The following ADGRF4 variants were observed in gnomAD, a reference collection of about 807,000 sequenced individuals.
The protein encoded by ADGRF4 is adhesion G protein-coupled receptor F4, also known as G-protein coupled receptor PGR18.
Under a neutral mutation model 58.5 loss-of-function variants are expected in ADGRF4, and 63 were observed. The ratio of observed to expected loss-of-function variants is 1.08; its 90% CI spans 0.88 to 1.33. ADGRF4 has a LOEUF of 1.33. ADGRF4 is among the 40% of genes most tolerant of loss of function. The pLI, the probability that ADGRF4 is intolerant of heterozygous loss-of-function variation, is 0.00. For synonymous variants in ADGRF4, 313 were observed against 295.4 expected, an observed-to-expected ratio of 1.06 and a Z score of -0.61; for missense variants, 931 against 843.9, an observed-to-expected ratio of 1.10 and a Z score of -1.28.
chr6:47,717,219 A>G, intron 7 of ADGRF4, 73 bp from the exon 8 acceptor site: 1 of 1,066,416 alleles, frequency 9.4e-7, no homozygotes, highest in Non-Finnish European at 1.5e-6. Context: ...CTGGTCTTAA[A>G]GTTTCAGGAC....
rs1032725775 is a variant in ADGRF4 at position 47,714,288 on chromosome 6, A to T, written c.1043A>T (p.Gln348Leu). 2 of 1,614,204 alleles carry T rather than the reference A, an allele frequency of 1.2e-6. No individual in the cohort carries two copies. Among genetic ancestry groups the T allele is most frequent in the Non-Finnish European group, 8.5e-7 (1 of 1,180,026 alleles). Residue 348 changes from glutamine to leucine, a missense_variant, in exon 6 of 10, where the codon CAG becomes CTG. Coordinates refer to ENST00000283303, the MANE Select transcript of ADGRF4 (RefSeq NM_153838.5). ...AATAAAACCCGCAATGCCAGAGCCCAGTGTGTTGGCTGGCACTCCAAGAAA... is the reference window on the plus strand; with the variant it reads ...AATAAAACCCGCAATGCCAGAGCCCTGTGTGTTGGCTGGCACTCCAAGAAA... ...KINKTRNARA[Q>L]CVGWHSKKRR...
rs374993641 is a variant in ADGRF4 at position 47,716,861 on chromosome 6, G to C, written c.1974+14G>C. On this transcript the variant is annotated intron_variant, in intron 7 of 9. Transcript: ENST00000283303. ...ATGGATCACAAGGTAATTTGAATTT[G>C]CTTCCTCCTTATAAATGGTTTTCAT... 13 of 1,566,232 alleles carry C rather than the reference G, an allele frequency of 8.3e-6. No homozygotes were observed. The African/African-American group carries it at 1.8e-4, about 21-fold the overall frequency.
chr6:47,699,124 T>C lies in ADGRF4; in HGVS notation c.-17+330T>C, dbSNP rs116834800. Among the ~76,000 whole-genome samples the C allele has an allele frequency of 4.3e-3, 660 of 152,358 alleles. 3 individuals are homozygous for C. The highest frequency in any genetic ancestry group is 0.014 in the African/African-American group (575 of 41,584). On this transcript the variant is annotated intron_variant, in intron 1 of 9. Transcript: ENST00000283303. Reference sequence around the variant, plus strand: ...TTGATAAATTTCAATACCTGTCTTTTAGACTGAATGTAAAGCTGGATGTTG... The same window carrying C: ...TTGATAAATTTCAATACCTGTCTTTCAGACTGAATGTAAAGCTGGATGTTG...
chr6:47,705,253 C>T (rs1007065913), intron 1 of ADGRF4, among the ~76,000 whole-genome samples: 1 of 152,162 alleles, frequency 6.6e-6, no homozygotes, highest in Non-Finnish European at 1.5e-5. Flanking sequence ...AAGCCAAAGT[C>T]GTATATGTGA....
chr6:47,709,909 A>C (rs948938344), intron 3 of ADGRF4, among the ~76,000 whole-genome samples: 3 of 151,896 alleles, frequency 2.0e-5, no homozygotes, highest in Non-Finnish European at 4.4e-5. Flanking sequence ...ATAGCCACCA[A>C]ACATAGTGCT....
intron 3 of ADGRF4, 107 bp from the exon 4 acceptor site, chr6:47,710,628 C>T: frequency 8.5e-7 from 1 of 1,169,610 alleles, no homozygotes; most frequent in Non-Finnish European, 1.2e-6. Flanking sequence ...ATTGCCTCCT[C>T]CAGGAAGCAA....
Position 47,717,314 on chromosome 6 carries a change from G to C in ADGRF4, c.1997G>C (p.Arg666Thr). The C allele has an allele frequency of 3.1e-6, 5 of 1,611,934 alleles. No individual in the cohort carries two copies. The highest frequency in any genetic ancestry group is 4.2e-6 in the Non-Finnish European group (5 of 1,178,000). The change falls in exon 8 of 10, where the codon AGG becomes ACG. Residue 666 changes from arginine (R) to threonine (T), a missense_variant. Physicochemically the swap from Arg to Thr is moderately conservative, Grantham distance 71. Coordinates refer to ENST00000283303, the MANE Select transcript of ADGRF4 (RefSeq NM_153838.5). ...TAGATAAGAGATGCTTTGAGGATGAGGATGTCTTCACTGAAGGGGAAATCG... is the reference window on the plus strand; with the variant it reads ...TAGATAAGAGATGCTTTGAGGATGACGATGTCTTCACTGAAGGGGAAATCG... ...DHKIRDALRM[R>T]MSSLKGKSRA...
At chr6:47,705,119 G>A (rs919023411) in intron 1 of ADGRF4, among the ~76,000 whole-genome samples, 2 of 152,036 alleles carry the variant, frequency 1.3e-5, no homozygotes, top group African/African-American at 2.4e-5. Context: ...CAGTAGAGAT[G>A]GAGTTTCACC....
rs1030256538 is a variant in ADGRF4 at position 47,707,212 on chromosome 6, C to T, written c.-16-18C>T. The T allele has an allele frequency of 1.4e-6, 2 of 1,413,576 alleles. No individual in the cohort carries two copies. The highest frequency in any genetic ancestry group is 2.0e-6 in the Non-Finnish European group (2 of 997,342). 87.6% of individuals were successfully genotyped at this position (1,413,576 alleles called of 1,614,324 possible). ...AGTTGTCACCTTCAGGTGGGTATGC[C>T]TTCTTTCTCTATTGCAGGTGAAGAT... is the stretch of plus-strand genomic sequence containing the variant. On this transcript the variant is annotated intron_variant, in intron 1 of 9. Coordinates refer to ENST00000283303, the MANE Select transcript of ADGRF4 (RefSeq NM_153838.5).
intron 9 of ADGRF4, among the ~76,000 whole-genome samples, chr6:47,720,392 G>C (rs1110355): frequency 0.23 from 34,624 of 152,068 alleles, 4,178 homozygotes; most frequent in African/African-American, 0.28. Flanking sequence ...AGAATTCTGG[G>C]AAATGGGTCG....
intron 4 of ADGRF4, among the ~76,000 whole-genome samples, chr6:47,711,225 T>C (rs1222387956): frequency 6.6e-6 from 1 of 152,196 alleles, no homozygotes; most frequent in Non-Finnish European, 1.5e-5. Context: ...GATAATCAGT[T>C]AATCAACTAA....
At chr6:47,706,938 T>C (rs1184169474) in intron 1 of ADGRF4, among the ~76,000 whole-genome samples, 6 of 152,260 alleles carry the variant, frequency 3.9e-5, no homozygotes, top group Non-Finnish European at 5.9e-5. Flanking sequence ...TAAATAAACT[T>C]GTTAATTAAA....
At chr6:47,709,640 A>T (rs1044081979) in intron 3 of ADGRF4, among the ~76,000 whole-genome samples, 4 of 152,198 alleles carry the variant, frequency 2.6e-5, no homozygotes, top group African/African-American at 9.7e-5. Flanking sequence ...ATATTTGCAT[A>T]TTTGCCTAAT....
At position 47,715,131 on chromosome 6, in the gene ADGRF4, C is replaced by T. The variant is rs1372913906; in HGVS notation, c.1886C>T (p.Thr629Ile). 2 of 1,598,034 alleles carry T rather than the reference C, an allele frequency of 1.3e-6. No individual in the cohort carries two copies. Among genetic ancestry groups the T allele is most frequent in the African/African-American group, 1.3e-5 (1 of 74,644 alleles). The change falls in exon 6 of 10, where the codon ACT (threonine) becomes ATT (isoleucine). Residue 629 changes from threonine (T) to isoleucine (I), a missense_variant. Coordinates refer to ENST00000283303, the MANE Select transcript of ADGRF4 (RefSeq NM_153838.5). Reference sequence around the variant, plus strand: ...GGAATAGCCACTCTCATAGAAGGCACTTCCTTGACGTTCCATATAATTTTT... The same window carrying T: ...GGAATAGCCACTCTCATAGAAGGCATTTCCTTGACGTTCCATATAATTTTT... ...GFGIATLIEGTSLTFHIIFAL... is the reference protein window; with the variant it reads ...GFGIATLIEGISLTFHIIFAL...
rs1298082121 is a variant in ADGRF4 at position 47,714,623 on chromosome 6, G to C, written c.1378G>C (p.Gly460Arg). Reference protein sequence around the residue: ...LLTANVWFIIGSHFNIKAQDY... With the variant: ...LLTANVWFIIRSHFNIKAQDY... ...GACTGCCAATGTGTGGTTTATCATA[G>C]GCTCTCACTTTAACATTAAGGCCCA... is the stretch of plus-strand genomic sequence containing the variant. Residue 460 changes from glycine (G) to arginine (R), a missense_variant, in exon 6 of 10, where the codon GGC (glycine) becomes CGC (arginine). By Grantham distance (125) the Gly-to-Arg change is moderately radical. Transcript: ENST00000283303. 1 of 1,614,162 alleles carries C rather than the reference G, an allele frequency of 6.2e-7. No individual in the cohort carries two copies. The highest frequency in any genetic ancestry group is 8.5e-7 in the Non-Finnish European group (1 of 1,180,030).
chr6:47,712,402 C>T lies in ADGRF4; in HGVS notation c.346C>T (p.Pro116Ser). The change falls in exon 5 of 10, where the codon CCT becomes TCT. Residue 116 changes from proline (P) to serine (S), a missense_variant. Coordinates refer to ENST00000283303, the MANE Select transcript of ADGRF4 (RefSeq NM_153838.5). ...SRLSVAAPSI[P>S]LHILDFRAPE... ...CCTTTCTGTAGCAGCACCATCTATA[C>T]CTCTGCATATTCTAGACTTTCGAGC... is the stretch of plus-strand genomic sequence containing the variant. 1.9e-6 allele frequency: 3 copies of T among 1,613,808 alleles called. No homozygotes were observed. The highest frequency in any genetic ancestry group is 1.7e-6 in the Non-Finnish European group (2 of 1,179,680).
chr6:47,710,811 A>G lies in ADGRF4; in HGVS notation c.225A>G (p.Gly75=), dbSNP rs1280595514. The G allele has an allele frequency of 6.2e-7, 1 of 1,613,878 alleles. No homozygotes were observed. Among genetic ancestry groups the G allele is most frequent in the South Asian group, 1.1e-5 (1 of 91,066 alleles). Residue 75 remains glycine (G), a synonymous_variant, in exon 4 of 10, where the codon GGA becomes GGG. Transcript: ENST00000283303. The part of the protein sequence containing the change: ...PCAKDFHGEI[G]FTCNQKKWQK... ...CTAAGGACTTTCATGGAGAAATAGG[A>G]TTTACATGTAATCAAAAAAAGTGGC...
In ADGRF4 at chr6:47,707,262, A is replaced by T; in HGVS notation, c.17A>T (p.Gln6Leu). 4.3e-6 allele frequency: 7 copies of T among 1,611,756 alleles called. No individual in the cohort carries two copies. Among genetic ancestry groups the T allele is most frequent in the Non-Finnish European group, 5.9e-6 (7 of 1,177,874 alleles). ...TCCTCATGTATGAAAATGAAGTCCC[A>T]GGCAACCATGATTTGCTGCTTAGTG... MKMKS[Q>L]ATMICCLVFF... Residue 6 changes from glutamine to leucine, a missense_variant, in exon 2 of 10, where the codon CAG becomes CTG. Physicochemically the swap from Gln to Leu is moderately radical, Grantham distance 113. Coordinates refer to ENST00000283303, the MANE Select transcript of ADGRF4 (RefSeq NM_153838.5).
intron 6 of ADGRF4, among the ~76,000 whole-genome samples, chr6:47,715,999 T>TTA (rs1329305305): frequency 6.6e-6 from 1 of 150,440 alleles, no homozygotes; most frequent in African/African-American, 2.4e-5. Flanking sequence ...TTTTTTTTTT[T>TTA]ATCAAAGACT....
Sources: allele counts gnomAD v4.1 joint callset (sites outside exome capture counted in the v4.1 genomes callset), GRCh38; gene constraint gnomAD v4.1.1; transcripts MANE v1.5; gene names NCBI Gene and HGNC (gene_info 2026-07-23, HGNC 2026-07-21).